The following ASAP2 variants were observed in gnomAD, a reference collection of about 807,000 sequenced individuals.
The protein encoded by ASAP2 is ArfGAP with SH3 domain, ankyrin repeat and PH domain 2.
In ASAP2, 45 loss-of-function variants were observed where a neutral mutation model predicts 131.4. That is an observed-to-expected ratio of 0.34 (90% CI 0.27 to 0.44). The LOEUF is 0.44. Ranked by LOEUF, ASAP2 falls within the 20% of genes least tolerant of loss-of-function variation. The pLI is 1.00. For missense variants in ASAP2, 1,011 were observed against 1,297.0 expected (o/e 0.78, Z 3.39); for synonymous variants, 510 against 503.0 (o/e 1.01, Z -0.19).
chr2:9,259,031 G>A (rs995136283), intron 1 of ASAP2, among the ~76,000 whole-genome samples: 12 of 152,192 alleles, frequency 7.9e-5, no homozygotes, highest in African/African-American at 2.9e-4. Flanking sequence ...GGTGTCTGCA[G>A]GCCTGACTGT....
intron 3 of ASAP2, among the ~76,000 whole-genome samples, chr2:9,303,783 T>C (rs971844459): frequency 8.5e-5 from 13 of 152,224 alleles, no homozygotes; most frequent in South Asian, 4.1e-4. Context: ...TAGATTTCCA[T>C]TGGACTTGGA....
chr2:9,354,223 C>T (rs751900094), intron 12 of ASAP2, among the ~76,000 whole-genome samples: 34 of 152,330 alleles, frequency 2.2e-4, no homozygotes, highest in Admixed American at 3.9e-4. Context: ...GAGTCAATGA[C>T]CTTCCAGGTC....
chr2:9,217,912 CTT>C lies in ASAP2; in HGVS notation c.126+10695_126+10696del, dbSNP rs34408894. Among the ~76,000 whole-genome samples the C allele has an allele frequency of 3.8e-3, 550 of 145,066 alleles. 3 individuals are homozygous for C. The highest frequency in any genetic ancestry group is 8.4e-3 in the African/African-American group (333 of 39,660). On this transcript the variant is annotated intron_variant, in intron 1 of 27. Transcript: ENST00000281419. The surrounding 1 kb of genome is among the most constrained non-coding windows in gnomAD (Gnocchi z 4.0). ...TACAGGTGTGAGCCACCACGCCTGG[CTT>C]TTTTTTTTTTTTACATGAAAAAATA...
At chr2:9,267,897 C>CAAAAAAAAAAAAAAAAAAAAAAAAA (rs34716225) in intron 1 of ASAP2, among the ~76,000 whole-genome samples, 1 of 65,022 alleles carries the variant, frequency 1.5e-5, no homozygotes, top group African/African-American at 7.0e-5. Context: ...GACTCTATCT[C>CAAAAAAAAAAAAAAAAAAAAAAAAA]AAAAAAAAAA....
chr2:9,265,259 T>C (rs1043325508), intron 1 of ASAP2, among the ~76,000 whole-genome samples: 1 of 152,268 alleles, frequency 6.6e-6, no homozygotes, highest in African/African-American at 2.4e-5. Flanking sequence ...TGTGGGAGGA[T>C]GTGTGTAGGT....
intron 1 of ASAP2, among the ~76,000 whole-genome samples, chr2:9,215,050 A>G (rs1661914996): frequency 1.3e-5 from 2 of 152,216 alleles, no homozygotes; most frequent in South Asian, 2.1e-4. Context: ...AACATCCTAG[A>G]GTGCACTTAC....
intron 24 of ASAP2, among the ~76,000 whole-genome samples, chr2:9,397,417 G>A (rs1485604073): frequency 1.3e-5 from 2 of 152,156 alleles, no homozygotes; most frequent in East Asian, 3.8e-4. Flanking sequence ...GGGAAGCAGG[G>A]CAAGTGAGGT....
At chr2:9,384,597 G>C (rs920763637) in intron 20 of ASAP2, among the ~76,000 whole-genome samples, 23 of 152,216 alleles carry the variant, frequency 1.5e-4, no homozygotes, top group African/African-American at 5.3e-4. Flanking sequence ...TGCTGGAGTG[G>C]CTCATAGAAC....
chr2:9,323,692 A>T (rs1670300598), intron 6 of ASAP2, among the ~76,000 whole-genome samples: 1 of 151,610 alleles, frequency 6.6e-6, no homozygotes, highest in Admixed American at 6.6e-5. Context: ...AAGTCCAGTC[A>T]CCTGTTTTGA....
chr2:9,391,152 C>T lies in ASAP2; in HGVS notation c.2474C>T (p.Pro825Leu). ...GSRQRSSSDP[P>L]AVHPPLPPLR... is the part of the protein sequence containing the mutation. ...CGGCAGCGATCTTCGTCAGATCCGC[C>T]AGCTGTCCATCCACCGCTGCCCCCT... Residue 825 changes from proline to leucine, a missense_variant, in exon 23 of 28, where the codon CCA (proline) becomes CTA (leucine). This residue lies in a region of ASAP2 where 652 missense variants were observed against 698.9 expected (regional missense o/e 0.93). Transcript: ENST00000281419. 6.2e-7 allele frequency: 1 copy of T among 1,614,218 alleles called. No homozygotes were observed. The highest frequency in any genetic ancestry group is 8.5e-7 in the Non-Finnish European group (1 of 1,180,032).
chr2:9,400,525 G>A (rs1207929832), intron 25 of ASAP2, among the ~76,000 whole-genome samples: 1 of 149,520 alleles, frequency 6.7e-6, no homozygotes, highest in Non-Finnish European at 1.5e-5. Flanking sequence ...CCCCTCACCT[G>A]TCCCCTCCTG....
In ASAP2 at chr2:9,261,940, C is replaced by T. The variant is rs141229599; in HGVS notation, c.127-17377C>T. On this transcript the variant is annotated intron_variant, in intron 1 of 27. Transcript: ENST00000281419. Reference sequence around the variant, plus strand: ...AAGAGAGAGGCCAGTTGGACCAGAGCGCCTCACCCCACCATTTGCCATGTG... The same window carrying T: ...AAGAGAGAGGCCAGTTGGACCAGAGTGCCTCACCCCACCATTTGCCATGTG... Among the ~76,000 whole-genome samples, 318 of 152,326 alleles carry T rather than the reference C, an allele frequency of 2.1e-3. 15 individuals carry two copies. In the South Asian group the frequency reaches 0.063, roughly 30 times the overall value.
chr2:9,400,630 C>G, intron 25 of ASAP2, 112 bp from the exon 26 acceptor site: 2 of 955,468 alleles, frequency 2.1e-6, no homozygotes, highest in East Asian at 2.5e-5. Flanking sequence ...CTCAACAGAT[C>G]GGAACACCTG....
At chr2:9,382,243 CAA>C (rs1412079438) in intron 20 of ASAP2, among the ~76,000 whole-genome samples, 10 of 152,194 alleles carry the variant, frequency 6.6e-5, no homozygotes. Flanking sequence ...CTTGGCCTCC[CAA>C]AGTGCTGGGA....
intron 24 of ASAP2, 101 bp from the exon 25 acceptor site, chr2:9,399,922 C>T (rs945806235): frequency 1.6e-6 from 2 of 1,237,778 alleles, no homozygotes; most frequent in Non-Finnish European, 2.4e-6. Context: ...CCACCTCACA[C>T]ACTCTGAGCT....
At chr2:9,370,050 G>C (rs1296983609) in intron 16 of ASAP2, among the ~76,000 whole-genome samples, 1 of 152,144 alleles carries the variant, frequency 6.6e-6, no homozygotes, top group Non-Finnish European at 1.5e-5. Context: ...ATGTTGGTCA[G>C]GCTGGTCTTG....
chr2:9,396,571 C>T (rs1253603922), intron 24 of ASAP2, among the ~76,000 whole-genome samples: 1 of 152,228 alleles, frequency 6.6e-6, no homozygotes, highest in African/African-American at 2.4e-5. Context: ...GGCACTGCGC[C>T]TCACCTCTTT....
At chr2:9,324,550 A>C (rs560622921) in intron 6 of ASAP2, among the ~76,000 whole-genome samples, 1 of 152,300 alleles carries the variant, frequency 6.6e-6, no homozygotes, top group Non-Finnish European at 1.5e-5. Context: ...AGGACATCAC[A>C]TGGTGGGGGC....
chr2:9,249,392 T>C (rs1399086100), intron 1 of ASAP2, among the ~76,000 whole-genome samples: 3 of 152,176 alleles, frequency 2.0e-5, no homozygotes, highest in Admixed American at 6.5e-5. Context: ...CTCTGATGAT[T>C]GTAGTGTCTA....
Sources: allele counts gnomAD v4.1 joint callset (sites outside exome capture counted in the v4.1 genomes callset), GRCh38; gene constraint gnomAD v4.1.1; regional missense constraint gnomAD v4.1.1; non-coding constraint Gnocchi (gnomAD v3.1); transcripts MANE v1.5; gene names NCBI Gene and HGNC (gene_info 2026-07-23, HGNC 2026-07-21).